Variants in NRG2 observed in about 807,000 individuals in gnomAD.
NRG2 encodes the protein pro-neuregulin-2, membrane-bound isoform.
Under a neutral mutation model 73.9 loss-of-function variants are expected in NRG2, and 27 were observed. That is an observed-to-expected ratio of 0.37 (90% CI 0.27 to 0.50). The LOEUF is 0.50. NRG2 is among the 20% of genes least tolerant of loss of function. The pLI is 0.96. For synonymous variants in NRG2, 532 were observed against 541.0 expected, an observed-to-expected ratio of 0.98 and a Z score of 0.23; for missense variants, 1,126 against 1,210.1, an observed-to-expected ratio of 0.93 and a Z score of 1.03.
At chr5:139,859,721 A>C (rs146239901) in intron 5 of NRG2, among the ~76,000 whole-genome samples, 48 of 152,280 alleles carry the variant, frequency 3.2e-4, no homozygotes, top group Middle Eastern at 3.4e-3. Flanking sequence ...TCTCCTGCTA[A>C]ATCAACGTAG....
chr5:140,012,774 C>T (rs1759467183), intron 1 of NRG2, among the ~76,000 whole-genome samples: 1 of 152,172 alleles, frequency 6.6e-6, no homozygotes, highest in African/African-American at 2.4e-5. Flanking sequence ...TTCTTCCCTT[C>T]TCTTTCTTTC....
intron 1 of NRG2, among the ~76,000 whole-genome samples, chr5:139,993,570 C>A (rs935561889): frequency 6.6e-6 from 1 of 152,180 alleles, no homozygotes. Flanking sequence ...GTTTTAATAA[C>A]CCTTATCAGT....
chr5:139,911,991 G>A (rs1441924286), intron 1 of NRG2, among the ~76,000 whole-genome samples: 1 of 152,146 alleles, frequency 6.6e-6, no homozygotes, highest in Non-Finnish European at 1.5e-5. Flanking sequence ...GCATGGATCA[G>A]CAACCCAAGG....
At chr5:140,030,719 C>T (rs762406088) in intron 1 of NRG2, among the ~76,000 whole-genome samples, 47 of 152,326 alleles carry the variant, frequency 3.1e-4, no homozygotes, top group Middle Eastern at 3.4e-3. Context: ...AGCAGAAAGA[C>T]CTTTCTCCTT....
chr5:139,944,238 C>T (rs1254670031), intron 1 of NRG2, among the ~76,000 whole-genome samples: 3 of 152,092 alleles, frequency 2.0e-5, no homozygotes, highest in Non-Finnish European at 4.4e-5. Context: ...TCATCTCAAA[C>T]ATTTATCATT....
chr5:139,916,452 G>A (rs979976267), intron 1 of NRG2, among the ~76,000 whole-genome samples: 1 of 152,130 alleles, frequency 6.6e-6, no homozygotes, highest in African/African-American at 2.4e-5. Flanking sequence ...ATTCACTTTT[G>A]TGGTCTATTC....
rs1001395622 is a variant in NRG2, at chr5:139,945,722, A to G, written c.701-58211T>C. The stretch of plus-strand genomic sequence containing the variant: ...ATAGAAATACTCCTTAGTATTAAGG[A>G]GTCTACTAAAAAAAGCCATTAGAAT... On this transcript the variant is annotated intron_variant, in intron 1 of 9. Transcript: ENST00000361474. Among the ~76,000 whole-genome samples, 24 of 152,164 alleles carry G rather than the reference A, an allele frequency of 1.6e-4. No individual in the cohort carries two copies. The South Asian group carries it at 2.3e-3, about 14-fold the overall frequency.
chr5:139,978,580 C>T (rs1756550105), intron 1 of NRG2, among the ~76,000 whole-genome samples: 1 of 152,178 alleles, frequency 6.6e-6, no homozygotes, highest in Admixed American at 6.5e-5. Flanking sequence ...TTTGACCCCG[C>T]CATCCCATTA....
At chr5:139,969,469 A>G (rs1755816950) in intron 1 of NRG2, among the ~76,000 whole-genome samples, 2 of 152,198 alleles carry the variant, frequency 1.3e-5, no homozygotes, top group Non-Finnish European at 2.9e-5. Flanking sequence ...GGCAGCCTTC[A>G]AAAGGAGTGA....
chr5:140,001,090 C>T (rs1478041910), intron 1 of NRG2, among the ~76,000 whole-genome samples: 3 of 152,202 alleles, frequency 2.0e-5, no homozygotes, highest in South Asian at 4.1e-4. Context: ...ACCTGTGACA[C>T]GAAGCCTGCT....
intron 6 of NRG2, among the ~76,000 whole-genome samples, chr5:139,855,161 G>A (rs1267578277): frequency 1.3e-5 from 2 of 152,268 alleles, no homozygotes; most frequent in Admixed American, 6.5e-5. Context: ...CTCCCAAGGC[G>A]GGGTCAGGCA....
chr5:139,961,478 C>A (rs967263000), intron 1 of NRG2, among the ~76,000 whole-genome samples: 2 of 152,148 alleles, frequency 1.3e-5, no homozygotes, highest in Non-Finnish European at 2.9e-5. Flanking sequence ...TTGGCTGCTG[C>A]AGCCAGAAGA....
At chr5:139,992,359 A>C (rs1300958155) in intron 1 of NRG2, among the ~76,000 whole-genome samples, 2 of 152,218 alleles carry the variant, frequency 1.3e-5, no homozygotes, top group Non-Finnish European at 2.9e-5. Context: ...AAATTCTCCT[A>C]TTACTGCTAA....
At chr5:139,906,453 C>T (rs1384956511) in intron 1 of NRG2, among the ~76,000 whole-genome samples, 1 of 149,198 alleles carries the variant, frequency 6.7e-6, no homozygotes, top group East Asian at 1.9e-4. Context: ...ACCTCAGCCA[C>T]TTTACTTACA....
At chr5:139,960,268 A>C (rs764878541) in intron 1 of NRG2, among the ~76,000 whole-genome samples, 1 of 152,172 alleles carries the variant, frequency 6.6e-6, no homozygotes, top group Non-Finnish European at 1.5e-5. Flanking sequence ...TAATCCTAGC[A>C]GTTTGGGAGG....
chr5:139,888,533 T>G (rs879471704), intron 1 of NRG2, among the ~76,000 whole-genome samples: 2 of 152,176 alleles, frequency 1.3e-5, no homozygotes, highest in African/African-American at 2.4e-5. Context: ...TGGGAACTGA[T>G]TGGCCCTGTC....
chr5:139,988,017 G>A (rs926106072), intron 1 of NRG2, among the ~76,000 whole-genome samples: 9 of 152,136 alleles, frequency 5.9e-5, no homozygotes, highest in Non-Finnish European at 1.3e-4. Context: ...CTTGTGATCC[G>A]CCTGCCTCGG....
chr5:139,856,323 C>T lies in NRG2; in HGVS notation c.1190-545G>A, dbSNP rs1761808039. On this transcript the variant is annotated intron_variant, in intron 5 of 9. Coordinates refer to ENST00000361474, the MANE Select transcript of NRG2 (RefSeq NM_004883.3). This position sits in a 1 kb window ranked among gnomAD's most constrained non-coding sequence, Gnocchi z 4.2. ...GCTTGTGAGAAGCCCGCCAGTGGCA[C>T]CATGGACCCCTGGCATCTAGGAAAG... The T allele has an allele frequency of 6.3e-6, 1 of 159,648 alleles. No individual in the cohort carries two copies. The highest frequency in any genetic ancestry group is 5.8e-5 in the Admixed American group (1 of 17,198). 9.9% of individuals were successfully genotyped at this position (159,648 alleles called of 1,614,324 possible). A position where few individuals can be genotyped will look rare whatever the true frequency, so the allele number is the denominator to read the frequency against.
At chr5:139,910,306 G>A (rs1269656632) in intron 1 of NRG2, among the ~76,000 whole-genome samples, 1 of 152,146 alleles carries the variant, frequency 6.6e-6, no homozygotes, top group Non-Finnish European at 1.5e-5. Flanking sequence ...GACATACACA[G>A]CCCTGTGAAC....
Sources: gnomAD v4.1 joint callset for allele counts (sites outside exome capture counted in the v4.1 genomes callset) on GRCh38, gnomAD v4.1.1 for gene constraint, Gnocchi (gnomAD v3.1) non-coding constraint, MANE v1.5 for transcripts, NCBI Gene and HGNC (gene_info 2026-07-23, HGNC 2026-07-21) for gene names.